PTPRN2: variants seen among roughly 807,000 people sequenced by gnomAD.
The protein encoded by PTPRN2 is protein tyrosine phosphatase receptor type N2.
In PTPRN2, 74 loss-of-function variants were observed where a neutral mutation model predicts 118.8. The ratio of observed to expected loss-of-function variants is 0.62; its 90% CI spans 0.52 to 0.76. The LOEUF (loss-of-function observed/expected upper bound fraction) is 0.76. Among genes scored for constraint, PTPRN2 ranks in the 30% least tolerant of loss-of-function variants. PTPRN2 has a pLI of 0.00. For synonymous variants in PTPRN2, 641 were observed against 608.0 expected (o/e 1.05, Z -0.80); for missense variants, 1,481 against 1,394.4 (o/e 1.06, Z -0.99).
chr7:157,630,020 A>C (rs561675443), intron 14 of PTPRN2, among the ~76,000 whole-genome samples: 1 of 152,252 alleles, frequency 6.6e-6, no homozygotes, highest in East Asian at 1.9e-4. Context: ...GTCTTCATTA[A>C]TACATGAACG....
chr7:158,001,574 C>G (rs1047260217), intron 11 of PTPRN2, among the ~76,000 whole-genome samples: 1 of 152,018 alleles, frequency 6.6e-6, no homozygotes, highest in African/African-American at 2.4e-5. Context: ...GGGAGGGCGG[C>G]ACTTCAGCCT....
Position 158,546,447 on chromosome 7 carries a change from G to T in PTPRN2, c.112+41111C>A, listed in dbSNP as rs1253076966. Among the ~76,000 whole-genome samples the T allele has an allele frequency of 6.6e-6, 1 of 152,234 alleles. No homozygotes were observed. Among genetic ancestry groups the T allele is most frequent in the Non-Finnish European group, 1.5e-5 (1 of 68,036 alleles). ...AATGGTGCTGGAATCACAGCCGCCG[G>T]GTTAAGGGGCTCATGGCGGAGGCAA... On this transcript the variant is annotated intron_variant, in intron 1 of 22. Transcript: ENST00000389418. This position sits in a 1 kb window ranked among gnomAD's most constrained non-coding sequence, Gnocchi z 5.0.
intron 3 of PTPRN2, among the ~76,000 whole-genome samples, chr7:158,261,856 G>C (rs931991716): frequency 6.6e-6 from 1 of 152,204 alleles, no homozygotes; most frequent in Non-Finnish European, 1.5e-5. Context: ...ATTCTGACGG[G>C]GCTTCCCGTT....
At chr7:157,717,715 G>C (rs1798998146) in intron 12 of PTPRN2, among the ~76,000 whole-genome samples, 1 of 152,266 alleles carries the variant, frequency 6.6e-6, no homozygotes, top group Admixed American at 6.5e-5. Flanking sequence ...AGGACCGCTG[G>C]CTGGGGTGGC....
At chr7:157,731,241 G>C (rs940020380) in intron 12 of PTPRN2, among the ~76,000 whole-genome samples, 3 of 152,130 alleles carry the variant, frequency 2.0e-5, no homozygotes. Flanking sequence ...CCTGAGTTCC[G>C]AGGAAGGTAA....
At chr7:158,500,574 A>T (rs1225382300) in intron 1 of PTPRN2, among the ~76,000 whole-genome samples, 1 of 151,902 alleles carries the variant, frequency 6.6e-6, no homozygotes, top group Non-Finnish European at 1.5e-5. Flanking sequence ...AGTTTCACAC[A>T]CTCTTCTCTG....
At chr7:158,030,525 TCA>T (rs965595221) in intron 11 of PTPRN2, 1 of 152,242 alleles carries the variant, frequency 6.6e-6, no homozygotes, top group African/African-American at 2.4e-5. Context: ...GATGAGGCCA[TCA>T]GAGTGGCTCC....
At chr7:158,489,437 A>G (rs1038541614) in intron 2 of PTPRN2, among the ~76,000 whole-genome samples, 1 of 152,188 alleles carries the variant, frequency 6.6e-6, no homozygotes, top group Non-Finnish European at 1.5e-5. Context: ...ACAGAGCGAG[A>G]CTCTGTCTCA....
chr7:157,778,735 C>T (rs564222047), intron 12 of PTPRN2, among the ~76,000 whole-genome samples: 2 of 146,468 alleles, frequency 1.4e-5, no homozygotes, highest in Non-Finnish European at 3.0e-5. Flanking sequence ...AATACAGGTG[C>T]CGAATGCCCA....
At position 158,209,267 on chromosome 7, in the gene PTPRN2, G is replaced by C. The variant is rs187546563; in HGVS notation, c.278-3994C>G. ...TCAAAACACACAGAGTGGTTGAATG[G>C]ATTAAAAAAAAGACCCAATCATCTG... On this transcript the variant is annotated intron_variant, in intron 3 of 22. Coordinates refer to ENST00000389418, the MANE Select transcript of PTPRN2 (RefSeq NM_002847.5). Among the ~76,000 whole-genome samples the C allele has an allele frequency of 7.2e-5, 11 of 152,006 alleles. No homozygotes were observed. In the Middle Eastern group the frequency reaches 0.01, roughly 143 times the overall value.
intron 12 of PTPRN2, among the ~76,000 whole-genome samples, chr7:157,886,273 C>T (rs1796441100): frequency 6.6e-6 from 1 of 152,182 alleles, no homozygotes; most frequent in Non-Finnish European, 1.5e-5. Flanking sequence ...CACCAAGTCC[C>T]CACCTCAGAC....
At chr7:157,982,738 G>A (rs911520178) in intron 11 of PTPRN2, among the ~76,000 whole-genome samples, 3 of 125,716 alleles carry the variant, frequency 2.4e-5, no homozygotes, top group African/African-American at 6.2e-5. Context: ...GAGTCACAGA[G>A]ACGAGGAGGG....
intron 14 of PTPRN2, among the ~76,000 whole-genome samples, chr7:157,638,744 T>A (rs1008660544): frequency 1.3e-5 from 2 of 152,194 alleles, no homozygotes; most frequent in African/African-American, 2.4e-5. Context: ...TCGGGGTCAC[T>A]CTTCTTGCTG....
intron 21 of PTPRN2, among the ~76,000 whole-genome samples, chr7:157,565,065 C>T (rs886544457): frequency 1.3e-5 from 2 of 152,238 alleles, no homozygotes; most frequent in Non-Finnish European, 2.9e-5. Context: ...GAAGCGCAGA[C>T]GCGGTATCAC....
At chr7:158,104,475 GAAAA>G (rs1815500491) in intron 10 of PTPRN2, among the ~76,000 whole-genome samples, 1 of 152,246 alleles carries the variant, frequency 6.6e-6, no homozygotes, top group South Asian at 2.1e-4. Context: ...CTCACAAGAT[GAAAA>G]AGGAGATGAA....
At chr7:157,577,953 G>A (rs736940) in intron 18 of PTPRN2, 68 bp downstream of exon 18, 646,455 of 1,460,430 alleles carry the variant, frequency 0.44, 152,184 homozygotes, top group Middle Eastern at 0.52. Flanking sequence ...AATCCCATTC[G>A]GAGGAGGAGC....
Position 157,656,347 on chromosome 7 carries a change from C to T in PTPRN2, c.2196+10G>A, listed in dbSNP as rs1247425626. On this transcript the variant is annotated intron_variant, in intron 14 of 22. Coordinates refer to ENST00000389418, the MANE Select transcript of PTPRN2 (RefSeq NM_002847.5). ...GTTTGTGTGGCAGGGAGTGCAAAGA[C>T]TGGGCTTACCAGGATCATGTGGCCG... is the stretch of plus-strand genomic sequence containing the variant. 6.5e-7 allele frequency: 1 copy of T among 1,543,490 alleles called. No individual in the cohort carries two copies. The highest frequency in any genetic ancestry group is 2.0e-5 in the Admixed American group (1 of 50,892).
At chr7:158,535,401 C>T (rs1825587953) in intron 1 of PTPRN2, among the ~76,000 whole-genome samples, 1 of 152,102 alleles carries the variant, frequency 6.6e-6, no homozygotes, top group Non-Finnish European at 1.5e-5. Flanking sequence ...ATTTAAAATG[C>T]CCACCTCACT....
chr7:158,438,147 G>A lies in PTPRN2; in HGVS notation c.163+51588C>T, dbSNP rs899661802. Reference sequence around the variant, plus strand: ...CATCCCAGCACTTTGGGAGGCTGAGGTGGGCGGATCACCTGAGGTCAGGAA... The same window carrying A: ...CATCCCAGCACTTTGGGAGGCTGAGATGGGCGGATCACCTGAGGTCAGGAA... On this transcript the variant is annotated intron_variant, in intron 2 of 22. Transcript: ENST00000389418. The surrounding 1 kb of genome is among the most constrained non-coding windows in gnomAD (Gnocchi z 4.7). Among the ~76,000 whole-genome samples, 1 of 152,176 alleles carries A rather than the reference G, an allele frequency of 6.6e-6. No homozygotes were observed. The highest frequency in any genetic ancestry group is 1.5e-5 in the Non-Finnish European group (1 of 68,022).
Sources: allele counts gnomAD v4.1 joint callset (sites outside exome capture counted in the v4.1 genomes callset), GRCh38; gene constraint gnomAD v4.1.1; non-coding constraint Gnocchi (gnomAD v3.1); transcripts MANE v1.5; gene names NCBI Gene and HGNC (gene_info 2026-07-23, HGNC 2026-07-21).